FGF14: variants seen among roughly 807,000 people sequenced by gnomAD.
FGF14 encodes the protein fibroblast growth factor 14, also known as fibroblast growth factor homologous factor 4.
In FGF14, 5 loss-of-function variants were observed where a neutral mutation model predicts 25.5. The ratio of observed to expected loss-of-function variants is 0.20; its 90% CI spans 0.10 to 0.41. The LOEUF (loss-of-function observed/expected upper bound fraction) is 0.41. Among genes scored for constraint, FGF14 ranks in the 10% least tolerant of loss-of-function variants. FGF14 has a pLI of 1.00. For synonymous variants in FGF14, 138 were observed against 118.3 expected (o/e 1.17, Z -1.08); for missense variants, 222 against 320.1 (o/e 0.69, Z 2.34).
At chr13:102,049,832 A>C (rs1412571529) in intron 1 of FGF14, among the ~76,000 whole-genome samples, 2 of 152,186 alleles carry the variant, frequency 1.3e-5, no homozygotes, top group Non-Finnish European at 2.9e-5. Context: ...TCCAAGGAAC[A>C]AAAGAGATTG....
intron 3 of FGF14, among the ~76,000 whole-genome samples, chr13:101,737,296 A>G (rs1164195874): frequency 6.6e-6 from 1 of 152,112 alleles, no homozygotes; most frequent in Non-Finnish European, 1.5e-5. Flanking sequence ...AGGAAGATGC[A>G]AGAAAGATAC....
chr13:102,249,589 T>C (rs1244067918), intron 1 of FGF14, among the ~76,000 whole-genome samples: 5 of 151,254 alleles, frequency 3.3e-5, no homozygotes, highest in African/African-American at 1.2e-4. Flanking sequence ...CGCGCACACA[T>C]GGGCGCATGC....
chr13:102,362,072 C>T (rs1203960667), intron 1 of FGF14, among the ~76,000 whole-genome samples: 1 of 152,110 alleles, frequency 6.6e-6, no homozygotes, highest in Non-Finnish European at 1.5e-5. Flanking sequence ...GGGGCCACTG[C>T]TGCTGGCAGT....
intron 1 of FGF14, among the ~76,000 whole-genome samples, chr13:102,191,349 A>C (rs2140825302): frequency 6.6e-6 from 1 of 152,240 alleles, no homozygotes; most frequent in Non-Finnish European, 1.5e-5. Flanking sequence ...GAACAACATA[A>C]ATTTATTTTC....
At chr13:102,317,184 A>G (rs1250498105) in intron 1 of FGF14, among the ~76,000 whole-genome samples, 1 of 152,206 alleles carries the variant, frequency 6.6e-6, no homozygotes, top group Non-Finnish European at 1.5e-5. Flanking sequence ...TACACTATAC[A>G]GTCACTAGCT....
chr13:102,051,778 G>T (rs1386944995), intron 1 of FGF14, among the ~76,000 whole-genome samples: 1 of 152,130 alleles, frequency 6.6e-6, no homozygotes, highest in Non-Finnish European at 1.5e-5. Context: ...TCTTTCCACA[G>T]CAAGACTAGC....
chr13:102,309,503 G>T (rs1481696177), intron 1 of FGF14, among the ~76,000 whole-genome samples: 2 of 152,122 alleles, frequency 1.3e-5, no homozygotes, highest in African/African-American at 4.8e-5. Flanking sequence ...AGATCTGCTA[G>T]GAAAGAATCA....
chr13:101,797,766 T>TGTGTGTGTGC (rs2040624058), intron 3 of FGF14, among the ~76,000 whole-genome samples: 4 of 149,474 alleles, frequency 2.7e-5, no homozygotes, highest in Admixed American at 6.6e-5. Flanking sequence ...TGTGTGTGTG[T>TGTGTGTGTGC]GTGTGTGTGT....
Position 101,718,189 on chromosome 13 carries a change from A to G in FGF14, c.*4642T>C, listed in dbSNP as rs1209354431. On this transcript the variant is annotated 3_prime_UTR_variant, in exon 5 of 5. Transcript: ENST00000376143. ...GAATGCTTTTTCTTTGAAAACAGAA[A>G]TATTTTTACTTATTTCTGTCCACTA... 6.6e-6 allele frequency: 1 copy of G among 152,074 alleles called. No individual in the cohort carries two copies. Among genetic ancestry groups the G allele is most frequent in the Non-Finnish European group, 1.5e-5 (1 of 68,000 alleles). 9.4% of individuals were successfully genotyped at this position (152,074 alleles called of 1,614,324 possible). A position where few individuals can be genotyped will look rare whatever the true frequency, so the allele number is the denominator to read the frequency against.
At chr13:101,783,991 A>G (rs2039667164) in intron 3 of FGF14, among the ~76,000 whole-genome samples, 1 of 152,100 alleles carries the variant, frequency 6.6e-6, no homozygotes, top group Non-Finnish European at 1.5e-5. Flanking sequence ...CAAAGATCAG[A>G]TAGTTGTAAG....
intron 1 of FGF14, among the ~76,000 whole-genome samples, chr13:102,133,099 C>T (rs990938471): frequency 5.9e-5 from 9 of 152,192 alleles, no homozygotes; most frequent in African/African-American, 2.2e-4. Flanking sequence ...TTTCTATCTT[C>T]AACACATTTA....
Position 102,360,905 on chromosome 13 carries a change from CAAATTGCAAAGCAAAGAAGGCCAT to C in FGF14, c.208+40542_208+40565del, listed in dbSNP as rs1183450310. Among the ~76,000 whole-genome samples, 307 of 152,034 alleles carry C rather than the reference CAAATTGCAAAGCAAAGAAGGCCAT, an allele frequency of 2.0e-3. 1 individual carries two copies. The highest frequency in any genetic ancestry group is 4.3e-4 in the Non-Finnish European group (29 of 67,960). ...CACACATACACACACACACGAGCCA[CAAATTGCAAAGCAAAGAAGGCCAT>C]AAATTACAAAGCAAAGAAGGGATTA... On this transcript the variant is annotated intron_variant, in intron 1 of 4. Transcript: ENST00000376131.
chr13:101,999,976 A>C (rs1272854444), intron 1 of FGF14, among the ~76,000 whole-genome samples: 2 of 152,174 alleles, frequency 1.3e-5, no homozygotes, highest in African/African-American at 2.4e-5. Context: ...ACTTTTCTAA[A>C]TACATGATAT....
intron 1 of FGF14, among the ~76,000 whole-genome samples, chr13:101,982,576 CACA>C (rs879867655): frequency 7.2e-5 from 11 of 152,190 alleles, no homozygotes; most frequent in Admixed American, 7.2e-4. Flanking sequence ...TAAAATAGAT[CACA>C]ACAATTCATC....
At chr13:102,311,038 A>T (rs1226051456) in intron 1 of FGF14, among the ~76,000 whole-genome samples, 1 of 152,054 alleles carries the variant, frequency 6.6e-6, no homozygotes, top group East Asian at 1.9e-4. Flanking sequence ...TTACACACAC[A>T]TACACACACA....
At chr13:102,333,877 C>T (rs535530005) in intron 1 of FGF14, among the ~76,000 whole-genome samples, 155 of 152,110 alleles carry the variant, frequency 1.0e-3, no homozygotes, top group Middle Eastern at 3.2e-3. Flanking sequence ...CTTATTTTGA[C>T]GACTGAAGGG....
chr13:102,163,287 C>A lies in FGF14; in HGVS notation c.208+238184G>T, dbSNP rs563378990. ...TTATTTTGTAAATTATCCTCTAGCA[C>A]AGAGGTATTAGAAACCACATGCCAT... is the stretch of plus-strand genomic sequence containing the variant. On this transcript the variant is annotated intron_variant, in intron 1 of 4. Transcript: ENST00000376131. Among the ~76,000 whole-genome samples the A allele has an allele frequency of 7.2e-5, 11 of 152,248 alleles. No homozygotes were observed. The South Asian group carries it at 2.3e-3, about 32-fold the overall frequency.
At chr13:102,370,388 GATAC>G (rs1182781298) in intron 1 of FGF14, among the ~76,000 whole-genome samples, 1 of 152,014 alleles carries the variant, frequency 6.6e-6, no homozygotes, top group Non-Finnish European at 1.5e-5. Flanking sequence ...GTACATAATA[GATAC>G]ATACATATAT....
At chr13:102,377,463 A>G (rs2058067221) in intron 1 of FGF14, among the ~76,000 whole-genome samples, 1 of 152,236 alleles carries the variant, frequency 6.6e-6, no homozygotes, top group Admixed American at 6.5e-5. Context: ...TGGCATATAC[A>G]CATGACTAAT....
Sources: allele counts gnomAD v4.1 joint callset (sites outside exome capture counted in the v4.1 genomes callset), GRCh38; gene constraint gnomAD v4.1.1; transcripts MANE v1.5; gene names NCBI Gene and HGNC (gene_info 2026-07-23, HGNC 2026-07-21).